XKR9: variants seen among roughly 807,000 people sequenced by gnomAD.
XKR9 encodes the protein XK related 9.
In XKR9, 32 loss-of-function variants were observed where a neutral mutation model predicts 32.0. That is an observed-to-expected ratio of 1.00 (90% CI 0.76 to 1.34). The LOEUF is 1.34. Ranked by LOEUF, XKR9 falls within the 40% of genes most tolerant of loss-of-function variation. The probability of loss-of-function intolerance (pLI) is 0.00; values close to 1 mark genes in which losing one functional copy is unlikely to be tolerated. For missense variants in XKR9, 546 were observed against 429.7 expected (o/e 1.27, Z -2.39); for synonymous variants, 168 against 143.4 (o/e 1.17, Z -1.22).
At chr8:70,744,906 G>C (rs978350148) in intron 2 of XKR9, among the ~76,000 whole-genome samples, 1 of 150,146 alleles carries the variant, frequency 6.7e-6, no homozygotes, top group African/African-American at 2.4e-5. Context: ...ATGCCAGCCT[G>C]AATGATTTAT....
chr8:70,899,436 T>TG, the XKR9 span, among the ~76,000 whole-genome samples: 1 of 148,550 alleles, frequency 6.7e-6, no homozygotes, highest in Non-Finnish European at 1.5e-5. Context: ...GACAGTTTTT[T>TG]TTTTTTTTTT....
At chr8:71,018,814 G>C in the XKR9 span, among the ~76,000 whole-genome samples, 1 of 152,158 alleles carries the variant, frequency 6.6e-6, no homozygotes, top group Non-Finnish European at 1.5e-5. Context: ...GCCTTTTTAT[G>C]GATGAAATTT....
the XKR9 span, among the ~76,000 whole-genome samples, chr8:70,798,498 G>C: frequency 6.6e-6 from 1 of 152,076 alleles, no homozygotes; most frequent in Non-Finnish European, 1.5e-5. Flanking sequence ...CAATTCTGTA[G>C]GTTGTCCGTT....
At chr8:70,717,575 G>C (rs6472539) in intron 4 of XKR9, among the ~76,000 whole-genome samples, 61,168 of 151,940 alleles carry the variant, frequency 0.4, 13,893 homozygotes, top group Non-Finnish European at 0.52. Context: ...TGGGATGCAG[G>C]GAACCATGTC....
the XKR9 span, among the ~76,000 whole-genome samples, chr8:70,924,952 C>T: frequency 2.6e-5 from 4 of 152,048 alleles, no homozygotes; most frequent in Middle Eastern, 3.4e-3. Context: ...AAGGCAGGAG[C>T]ATCAAAATTT....
chr8:70,724,781 G>A (rs180715547), intron 4 of XKR9, among the ~76,000 whole-genome samples: 47 of 152,236 alleles, frequency 3.1e-4, no homozygotes, highest in African/African-American at 1.1e-3. Flanking sequence ...CTTCTGCATT[G>A]GTCTTGTTGG....
chr8:71,014,342 C>A, the XKR9 span, among the ~76,000 whole-genome samples: 1 of 152,172 alleles, frequency 6.6e-6, no homozygotes, highest in Non-Finnish European at 1.5e-5. Context: ...AGTGTTCTCT[C>A]ACAGTTCTGG....
At chr8:70,877,375 T>G in the XKR9 span, among the ~76,000 whole-genome samples, 1 of 152,328 alleles carries the variant, frequency 6.6e-6, no homozygotes, top group Middle Eastern at 3.4e-3. Flanking sequence ...TATGGCACAT[T>G]ACTTTAACCT....
chr8:70,697,480 T>C (rs371568757), intron 3 of XKR9, among the ~76,000 whole-genome samples: 55 of 150,460 alleles, frequency 3.7e-4, no homozygotes, highest in African/African-American at 1.0e-3. Context: ...ATATGCTGGA[T>C]TACATTTCTT....
chr8:70,815,509 TTTTATTTA>T, the XKR9 span, among the ~76,000 whole-genome samples: 26 of 141,830 alleles, frequency 1.8e-4, no homozygotes, highest in South Asian at 1.4e-3. Flanking sequence ...CATTCCTTTA[TTTTATTTA>T]TTTATTTATT....
the XKR9 span, among the ~76,000 whole-genome samples, chr8:70,921,189 G>A: frequency 2.6e-5 from 4 of 152,166 alleles, no homozygotes; most frequent in Non-Finnish European, 4.4e-5. Context: ...ACAATTCCTC[G>A]AGTGCTGAGA....
chr8:71,061,163 A>G, the XKR9 span, among the ~76,000 whole-genome samples: 1 of 152,206 alleles, frequency 6.6e-6, no homozygotes. Flanking sequence ...TCAAGGTTAC[A>G]TACTAGTAAG....
chr8:70,907,432 C>T, the XKR9 span, among the ~76,000 whole-genome samples: 1 of 152,192 alleles, frequency 6.6e-6, no homozygotes, highest in East Asian at 1.9e-4. Flanking sequence ...ACTGAAACTA[C>T]ACCCATTGCT....
chr8:70,741,282 A>C (rs1292272728), intron 2 of XKR9, among the ~76,000 whole-genome samples: 1 of 152,126 alleles, frequency 6.6e-6, no homozygotes, highest in Non-Finnish European at 1.5e-5. Flanking sequence ...AGAGGAAGAG[A>C]GACCTGAGCT....
At chr8:70,988,328 G>A in the XKR9 span, among the ~76,000 whole-genome samples, 6 of 105,628 alleles carry the variant, frequency 5.7e-5, no homozygotes, top group Admixed American at 1.7e-4. Context: ...TTTACCATGC[G>A]TGGTTAAAAA....
the XKR9 span, among the ~76,000 whole-genome samples, chr8:70,963,891 G>A: frequency 3.9e-5 from 6 of 152,098 alleles, no homozygotes; most frequent in Admixed American, 1.3e-4. Context: ...TGAATTAATT[G>A]CAAAATTTTT....
the XKR9 span, among the ~76,000 whole-genome samples, chr8:70,951,629 G>A: frequency 6.6e-6 from 1 of 152,328 alleles, no homozygotes; most frequent in African/African-American, 2.4e-5. Flanking sequence ...GGAAGAGAGA[G>A]GAGTACCATT....
At chr8:70,947,380 T>C in the XKR9 span, among the ~76,000 whole-genome samples, 1 of 152,080 alleles carries the variant, frequency 6.6e-6, no homozygotes. Context: ...ATAGAGAAAG[T>C]TCAAACAAGG....
chr8:70,854,649 GT>G, the XKR9 span, among the ~76,000 whole-genome samples: 1 of 152,100 alleles, frequency 6.6e-6, no homozygotes, highest in East Asian at 1.9e-4. Flanking sequence ...GGTTTTTATG[GT>G]TTTAGGTCTA....
Sources: gnomAD v4.1 joint callset for allele counts (sites outside exome capture counted in the v4.1 genomes callset) on GRCh38, gnomAD v4.1.1 for gene constraint, MANE v1.5 for transcripts, NCBI Gene and HGNC (gene_info 2026-07-23, HGNC 2026-07-21) for gene names.